ZIM2: variants seen among roughly 807,000 people sequenced by gnomAD.
ZIM2 encodes zinc finger imprinted 2.
In ZIM2, 14 loss-of-function variants were observed where a neutral mutation model predicts 38.6. The ratio of observed to expected loss-of-function variants is 0.36; its 90% CI spans 0.24 to 0.57. ZIM2 has a LOEUF of 0.57. ZIM2 is among the 20% of genes least tolerant of loss of function. The pLI, the probability that ZIM2 is intolerant of heterozygous loss-of-function variation, is 0.81. For synonymous variants in ZIM2, 247 were observed against 245.8 expected, an observed-to-expected ratio of 1.00 and a Z score of -0.04; for missense variants, 680 against 695.1, an observed-to-expected ratio of 0.98 and a Z score of 0.24.
Position 56,808,610 on chromosome 19 carries a change from G to A in ZIM2, c.490+9136C>T, listed in dbSNP as rs78698472. 5.0e-3 allele frequency among the ~76,000 whole-genome samples: 764 copies of A among 152,258 alleles called. 10 individuals carry two copies. Among genetic ancestry groups the A allele is most frequent in the African/African-American group, 0.018 (744 of 41,540 alleles). On this transcript the variant is annotated intron_variant, in intron 9 of 12. Transcript: ENST00000629319. ...TCACTCCTGCCTTTCTAGGGGAGGA[G>A]TGACTTAAACTCGAGAGCTGGCTAG...
chr19:56,775,695 CAG>C (rs928014459), intron 12 of ZIM2, among the ~76,000 whole-genome samples, 166 bp from the exon 13 acceptor site: 1 of 151,542 alleles, frequency 6.6e-6, no homozygotes, highest in Non-Finnish European at 1.5e-5. Context: ...TCTTTTTACT[CAG>C]AGAGACATAC....
chr19:56,807,870 T>C (rs2047834166), intron 9 of ZIM2, among the ~76,000 whole-genome samples: 1 of 152,200 alleles, frequency 6.6e-6, no homozygotes, highest in Admixed American at 6.5e-5. Flanking sequence ...TTCATTCAGG[T>C]TAATTTAAGG....
At position 56,822,738 on chromosome 19, in the gene ZIM2, G is replaced by A. The variant is rs201619349; in HGVS notation, c.190+15C>T. ...TCTATATCTCCTACTGGGAAAGAAA[G>A]TGGTTAAGACTCACTGCTTCTTGGG... On this transcript the variant is annotated intron_variant, in intron 6 of 12. Transcript: ENST00000629319. 3 of 1,613,610 alleles carry A rather than the reference G, an allele frequency of 1.9e-6. No individual in the cohort carries two copies. The highest frequency in any genetic ancestry group is 2.2e-5 in the South Asian group (2 of 90,874).
intron 9 of ZIM2, chr19:56,816,113 A>G (rs1393926079): frequency 6.2e-7 from 1 of 1,612,132 alleles, no homozygotes; most frequent in African/African-American, 1.3e-5. Flanking sequence ...TGAATAACAG[A>G]CCTCTCATAT....
intron 8 of ZIM2, among the ~76,000 whole-genome samples, chr19:56,818,188 C>T (rs2060156955): frequency 6.6e-6 from 1 of 152,180 alleles, no homozygotes; most frequent in Non-Finnish European, 1.5e-5. Flanking sequence ...TCCACCCACT[C>T]CCTTGAGGCC....
At chr19:56,791,391 A>G (rs2046923053) in intron 9 of ZIM2, 1 of 152,244 alleles carries the variant, frequency 6.6e-6, no homozygotes, top group Admixed American at 6.5e-5. Flanking sequence ...AAAACATTCT[A>G]AGTGCTCAAG....
chr19:56,779,563 C>G, intron 11 of ZIM2, 91 bp from the exon 12 acceptor site: 1 of 1,245,342 alleles, frequency 8.0e-7, no homozygotes, highest in South Asian at 1.3e-5. Context: ...GGAACAAACT[C>G]TCGCAGGAGT....
intron 7 of ZIM2, among the ~76,000 whole-genome samples, chr19:56,820,625 A>C (rs1452857115): frequency 1.3e-5 from 2 of 152,086 alleles, no homozygotes; most frequent in Non-Finnish European, 2.9e-5. Context: ...CCTGGCTCTA[A>C]ATGGCAACTG....
intron 9 of ZIM2, chr19:56,813,333 A>G (rs1050373091): frequency 2.9e-6 from 3 of 1,018,956 alleles, no homozygotes; most frequent in African/African-American, 3.4e-5. Context: ...ACACCTCATG[A>G]AACACTATAT....
intron 9 of ZIM2, chr19:56,813,201 CAAA>C (rs35563894): frequency 2.5e-4 from 214 of 854,176 alleles, no homozygotes; most frequent in Non-Finnish European, 2.8e-4. Context: ...CTTCCTCCTC[CAAA>C]AAAAAAAAAA....
chr19:56,784,525 G>A (rs1047574655), intron 10 of ZIM2, among the ~76,000 whole-genome samples: 5 of 152,146 alleles, frequency 3.3e-5, no homozygotes, highest in African/African-American at 1.2e-4. Context: ...TGGTCATGTG[G>A]TAGTCAGAGC....
rs753162525 is a variant in ZIM2 at position 56,814,016 on chromosome 19, C to G, written c.490+3730G>C. The G allele has an allele frequency of 4.6e-5, 74 of 1,613,222 alleles. No homozygotes were observed. The highest frequency in any genetic ancestry group is 6.2e-5 in the Non-Finnish European group (73 of 1,179,342). On this transcript the variant is annotated intron_variant, in intron 9 of 12. Coordinates refer to ENST00000629319, the MANE Select transcript of ZIM2 (RefSeq NM_001387356.1). This position sits in a 1 kb window ranked among gnomAD's most constrained non-coding sequence, Gnocchi z 5.8. ...CCGTCAGGCTCGTCGGCATCTCCCT[C>G]TGGCTCTTCAGCTTTTCCCTCTGGC...
chr19:56,782,103 A>G lies in ZIM2; in HGVS notation c.589T>C (p.Leu197=), dbSNP rs1219103397. 1 of 1,613,800 alleles carries G rather than the reference A, an allele frequency of 6.2e-7. No homozygotes were observed. Among genetic ancestry groups the G allele is most frequent in the Admixed American group, 1.7e-5 (1 of 60,008 alleles). Residue 197 remains leucine, a synonymous_variant, in exon 11 of 13, where the codon TTA becomes CTA. Transcript: ENST00000629319. ...AGSQFPDFKH[L]GTFLVFEELV... ...TCCTCAAACACCAGAAATGTTCCTA[A>G]GTGTTTGAAGTCCGGGAACTATCCC...
chr19:56,782,525 A>G, intron 10 of ZIM2: 1 of 441,044 alleles, frequency 2.3e-6, no homozygotes, highest in Non-Finnish European at 4.5e-6. Flanking sequence ...GTTAATAAAC[A>G]AGGAGATGAA....
At chr19:56,816,623 T>C (rs868587917) in intron 9 of ZIM2, 3 of 1,613,488 alleles carry the variant, frequency 1.9e-6, no homozygotes, top group African/African-American at 1.3e-5. Context: ...GGCCTAAAGG[T>C]TTCCCCGCGC....
At chr19:56,819,557 G>C (rs2060284266) in intron 7 of ZIM2, among the ~76,000 whole-genome samples, 1 of 152,180 alleles carries the variant, frequency 6.6e-6, no homozygotes, top group Non-Finnish European at 1.5e-5. Context: ...GGTGCTGTGG[G>C]AAGCCCACAG....
intron 2 of ZIM2, among the ~76,000 whole-genome samples, chr19:56,830,856 G>A (rs1381933975): frequency 2.0e-5 from 3 of 152,148 alleles, no homozygotes; most frequent in Non-Finnish European, 2.9e-5. Flanking sequence ...GGCCCTGGGA[G>A]GTGGAGGGGG....
At chr19:56,811,477 A>G in intron 9 of ZIM2, 1 of 976,738 alleles carries the variant, frequency 1.0e-6, no homozygotes, top group Non-Finnish European at 1.2e-6. Context: ...AGTTGCATTA[A>G]GTGTCCACAG....
chr19:56,822,746 G>A lies in ZIM2; in HGVS notation c.190+7C>T. ...TCCTACTGGGAAAGAAAGTGGTTAA[G>A]ACTCACTGCTTCTTGGGTTCCTGGT... is the stretch of plus-strand genomic sequence containing the variant. On this transcript the variant is annotated splice_region_variant and intron_variant, in intron 6 of 12. Transcript: ENST00000629319. The A allele has an allele frequency of 3.1e-6, 5 of 1,613,970 alleles. No homozygotes were observed. The highest frequency in any genetic ancestry group is 4.2e-6 in the Non-Finnish European group (5 of 1,179,972).
Sources: allele counts gnomAD v4.1 joint callset (sites outside exome capture counted in the v4.1 genomes callset), GRCh38; gene constraint gnomAD v4.1.1; non-coding constraint Gnocchi (gnomAD v3.1); transcripts MANE v1.5; gene names NCBI Gene and HGNC (gene_info 2026-07-23, HGNC 2026-07-21).